The following RAB11FIP4 variants were observed in gnomAD, a reference collection of about 807,000 sequenced individuals.
RAB11FIP4 encodes rab11 family-interacting protein 4.
Under a neutral mutation model 74.3 loss-of-function variants are expected in RAB11FIP4, and 23 were observed. The ratio of observed to expected loss-of-function variants is 0.31; its 90% CI spans 0.22 to 0.44. The LOEUF (loss-of-function observed/expected upper bound fraction) is 0.44, where lower values mean the gene tolerates loss of function less well. Among genes scored for constraint, RAB11FIP4 ranks in the 20% least tolerant of loss-of-function variants. The pLI, the probability that RAB11FIP4 is intolerant of heterozygous loss-of-function variation, is 1.00. For synonymous variants in RAB11FIP4, 360 were observed against 359.9 expected (o/e 1.00, Z 0.00); for missense variants, 630 against 863.9 (o/e 0.73, Z 3.39).
At chr17:31,502,736 A>G (rs752366889) in intron 3 of RAB11FIP4, among the ~76,000 whole-genome samples, 33 of 152,300 alleles carry the variant, frequency 2.2e-4, no homozygotes, top group African/African-American at 7.9e-4. Flanking sequence ...ATATTGGTCT[A>G]TTGGTCTGCT....
chr17:31,448,683 C>G (rs1187638970), intron 3 of RAB11FIP4, among the ~76,000 whole-genome samples: 1 of 152,098 alleles, frequency 6.6e-6, no homozygotes, highest in Non-Finnish European at 1.5e-5. Flanking sequence ...ATTTTGCCTC[C>G]TCTCAAGGCT....
At chr17:31,447,094 C>T (rs1458509656) in intron 3 of RAB11FIP4, among the ~76,000 whole-genome samples, 1 of 152,150 alleles carries the variant, frequency 6.6e-6, no homozygotes, top group Non-Finnish European at 1.5e-5. Flanking sequence ...ACCATCCTGG[C>T]TAACACGGTG....
intron 3 of RAB11FIP4, among the ~76,000 whole-genome samples, chr17:31,502,748 C>T (rs62063888): frequency 0.18 from 26,938 of 152,046 alleles, 2,661 homozygotes; most frequent in South Asian, 0.3. Flanking sequence ...TGGTCTGCTA[C>T]GGCTGTCATA....
At chr17:31,453,792 C>CAAAA (rs555119408) in intron 3 of RAB11FIP4, among the ~76,000 whole-genome samples, 84 of 61,024 alleles carry the variant, frequency 1.4e-3, no homozygotes, top group Non-Finnish European at 1.7e-3. Context: ...AGACTCGTCT[C>CAAAA]AAAAAAAAAA....
chr17:31,421,295 C>T (rs906780254), intron 1 of RAB11FIP4, among the ~76,000 whole-genome samples: 12 of 151,722 alleles, frequency 7.9e-5, no homozygotes, highest in South Asian at 2.1e-4. Flanking sequence ...CTCAGCTCAC[C>T]GAAATCTCCA....
At position 31,423,754 on chromosome 17, in the gene RAB11FIP4, G is replaced by T. The variant is rs112455784; in HGVS notation, c.160-8059G>T. On this transcript the variant is annotated intron_variant, in intron 1 of 14. Transcript: ENST00000621161. ...TTGGGGTCAGTTCCATGTATGTGCAGCTCAGGAGTAGGCTAGGACCTCAAA... is the reference window on the plus strand; with the variant it reads ...TTGGGGTCAGTTCCATGTATGTGCATCTCAGGAGTAGGCTAGGACCTCAAA... 4.7e-3 allele frequency among the ~76,000 whole-genome samples: 717 copies of T among 152,290 alleles called. 6 individuals carry two copies. The highest frequency in any genetic ancestry group is 0.016 in the African/African-American group (667 of 41,562).
At chr17:31,469,166 A>T (rs1422482298) in intron 3 of RAB11FIP4, among the ~76,000 whole-genome samples, 1 of 152,210 alleles carries the variant, frequency 6.6e-6, no homozygotes, top group African/African-American at 2.4e-5. Context: ...TGCACCTGAC[A>T]CATGCATTCA....
chr17:31,433,354 C>T (rs973697901), intron 2 of RAB11FIP4, among the ~76,000 whole-genome samples: 9 of 152,096 alleles, frequency 5.9e-5, no homozygotes, highest in African/African-American at 9.7e-5. Context: ...GAGGGTGGAA[C>T]GATGCAGGGT....
chr17:31,431,568 C>T (rs565136632), intron 1 of RAB11FIP4: 12 of 456,422 alleles, frequency 2.6e-5, no homozygotes, highest in African/African-American at 4.1e-5. Flanking sequence ...CCCCTGAAGC[C>T]GTGTGCTCAG....
intron 1 of RAB11FIP4, among the ~76,000 whole-genome samples, chr17:31,418,403 A>G (rs925667807): frequency 6.6e-6 from 1 of 152,156 alleles, no homozygotes; most frequent in Non-Finnish European, 1.5e-5. Context: ...AAATAAAATA[A>G]AATAAATAAA....
intron 3 of RAB11FIP4, among the ~76,000 whole-genome samples, chr17:31,454,194 G>A (rs900058625): frequency 3.3e-5 from 5 of 152,196 alleles, no homozygotes; most frequent in Non-Finnish European, 5.9e-5. Flanking sequence ...TTAAACAGCT[G>A]TTCTCAACCA....
chr17:31,513,446 C>T (rs1212053348), intron 3 of RAB11FIP4, among the ~76,000 whole-genome samples: 1 of 152,180 alleles, frequency 6.6e-6, no homozygotes, highest in Non-Finnish European at 1.5e-5. Context: ...ATCTCCCCTC[C>T]AGGCCGGCGG....
chr17:31,521,024 C>G (rs1358427934), intron 4 of RAB11FIP4, 142 bp from the exon 5 acceptor site: 1 of 598,564 alleles, frequency 1.7e-6, no homozygotes, highest in African/African-American at 1.9e-5. Context: ...GATAGGGTCC[C>G]TGAAATGTAC....
At chr17:31,462,592 G>T (rs990331023) in intron 3 of RAB11FIP4, among the ~76,000 whole-genome samples, 2 of 152,048 alleles carry the variant, frequency 1.3e-5, no homozygotes, top group Non-Finnish European at 2.9e-5. Context: ...CGGACTCTTA[G>T]CGTCATTATC....
intron 7 of RAB11FIP4, 75 bp from the exon 8 acceptor site, chr17:31,523,437 C>A: frequency 8.3e-7 from 1 of 1,200,092 alleles, no homozygotes; most frequent in Non-Finnish European, 1.2e-6. Context: ...TGGATGCTCG[C>A]CTAGCCAGTA....
At chr17:31,456,899 G>A (rs538949741) in intron 3 of RAB11FIP4, among the ~76,000 whole-genome samples, 1 of 152,268 alleles carries the variant, frequency 6.6e-6, no homozygotes, top group Admixed American at 6.5e-5. Context: ...ATTGCAGTGG[G>A]AGAGAGCACT....
chr17:31,466,749 G>T (rs1480786852), intron 3 of RAB11FIP4, among the ~76,000 whole-genome samples: 5 of 152,172 alleles, frequency 3.3e-5, no homozygotes, highest in Non-Finnish European at 5.9e-5. Flanking sequence ...CCCAGTCCCA[G>T]TAGCCAGGAA....
intron 6 of RAB11FIP4, 94 bp from the exon 7 acceptor site, chr17:31,522,266 C>T: frequency 7.2e-7 from 1 of 1,383,118 alleles, no homozygotes; most frequent in South Asian, 1.3e-5. Flanking sequence ...GAGGGAAGAG[C>T]CTTGTCCTGC....
intron 3 of RAB11FIP4, among the ~76,000 whole-genome samples, chr17:31,499,302 A>G (rs971049449): frequency 2.0e-5 from 3 of 152,148 alleles, no homozygotes; most frequent in African/African-American, 7.2e-5. Flanking sequence ...CTTCAGGGGA[A>G]AGTGGATGAG....
Sources: allele counts gnomAD v4.1 joint callset (sites outside exome capture counted in the v4.1 genomes callset), GRCh38; gene constraint gnomAD v4.1.1; transcripts MANE v1.5; gene names NCBI Gene and HGNC (gene_info 2026-07-23, HGNC 2026-07-21).